Variants in CADM3 observed in about 807,000 individuals in gnomAD.
CADM3 encodes cell adhesion molecule 3, also known as TSLC1-like 1.
In CADM3, 11 loss-of-function variants were observed where a neutral mutation model predicts 44.9. The observed-to-expected ratio is 0.25, with a 90% CI of 0.15 to 0.41. The LOEUF is 0.41. CADM3 is among the 10% of genes least tolerant of loss of function. The pLI is 1.00. For synonymous variants in CADM3, 207 were observed against 205.2 expected, an observed-to-expected ratio of 1.01 and a Z score of -0.08; for missense variants, 426 against 512.0, an observed-to-expected ratio of 0.83 and a Z score of 1.62.
chr1:159,194,896 T>C (rs1649827320), intron 5 of CADM3: 1 of 152,176 alleles, frequency 6.6e-6, no homozygotes, highest in African/African-American at 2.4e-5. Context: ...GAACAGCCTC[T>C]CTGGGTGGAG....
intron 1 of CADM3, among the ~76,000 whole-genome samples, chr1:159,175,390 C>G (rs555273765): frequency 6.6e-6 from 1 of 152,320 alleles, no homozygotes; most frequent in East Asian, 1.9e-4. Context: ...GCCTACCCAG[C>G]AGTTATGCCA....
intron 5 of CADM3, 92 bp downstream of exon 5, chr1:159,194,132 G>T (rs1016084497): frequency 7.3e-5 from 97 of 1,333,828 alleles, no homozygotes; most frequent in Non-Finnish European, 9.7e-5. Context: ...GAAACAACAC[G>T]CACAGTTAAG....
rs1194150414 is a variant in CADM3 at position 159,203,299 on chromosome 1, T to C, written c.*2377T>C. The C allele has an allele frequency of 1.3e-5, 2 of 152,162 alleles. No individual in the cohort carries two copies. The highest frequency in any genetic ancestry group is 4.8e-5 in the African/African-American group (2 of 41,418). 9.4% of individuals were successfully genotyped at this position (152,162 alleles called of 1,614,324 possible). On this transcript the variant is annotated 3_prime_UTR_variant, in exon 9 of 9. Coordinates refer to ENST00000368125, the MANE Select transcript of CADM3 (RefSeq NM_001127173.3). ...AGAATATCTATGTACAGCAACAATA[T>C]AACTCTACAAGGGAGAGAAGTGTGT... is the stretch of plus-strand genomic sequence containing the variant.
At chr1:159,183,848 T>C (rs576737666) in intron 1 of CADM3, among the ~76,000 whole-genome samples, 3 of 152,252 alleles carry the variant, frequency 2.0e-5, no homozygotes, top group Middle Eastern at 3.4e-3. Flanking sequence ...AGAGAATATT[T>C]TGACATTCAG....
At chr1:159,188,977 T>C (rs1359466970) in intron 1 of CADM3, among the ~76,000 whole-genome samples, 1 of 152,104 alleles carries the variant, frequency 6.6e-6, no homozygotes, top group Non-Finnish European at 1.5e-5. Flanking sequence ...AGGGGTTTGT[T>C]GTCCCAGAGG....
intron 1 of CADM3, among the ~76,000 whole-genome samples, chr1:159,191,210 C>T (rs376275534): frequency 5.5e-4 from 84 of 152,310 alleles, no homozygotes; most frequent in Middle Eastern, 3.4e-3. Context: ...GTTTTCATCA[C>T]ATTGAAGAGA....
At chr1:159,193,365 G>A in intron 3 of CADM3, 58 bp from the exon 4 acceptor site, 7 of 1,526,190 alleles carry the variant, frequency 4.6e-6, no homozygotes, top group Non-Finnish European at 6.2e-6. Flanking sequence ...AGGGAGAGCA[G>A]AAGTGTGACC....
intron 1 of CADM3, among the ~76,000 whole-genome samples, chr1:159,177,433 T>G (rs902309412): frequency 3.3e-5 from 5 of 152,188 alleles, no homozygotes; most frequent in Non-Finnish European, 7.4e-5. Flanking sequence ...TGGAGCAAAC[T>G]ATTATACCTG....
chr1:159,190,944 C>T (rs930677588), intron 1 of CADM3, among the ~76,000 whole-genome samples: 2 of 152,084 alleles, frequency 1.3e-5, no homozygotes, highest in African/African-American at 4.8e-5. Flanking sequence ...TAGATTTGTT[C>T]GGTGGGGATC....
chr1:159,192,678 C>T lies in CADM3; in HGVS notation c.330C>T (p.Cys110=), dbSNP rs1433313388. The T allele has an allele frequency of 2.2e-5, 35 of 1,614,018 alleles. No homozygotes were observed. The highest frequency in any genetic ancestry group is 5.0e-5 in the Admixed American group (3 of 59,990). ...TGGCAGACGAGGGCGAGTACACCTG[C>T]TCAATCTTCACTATGCCTGTGCGAA... ...VALADEGEYT[C]SIFTMPVRTA... Residue 110 remains cysteine (C), a synonymous_variant, in exon 3 of 9, where the codon TGC becomes TGT. Transcript: ENST00000368125.
In CADM3 at chr1:159,194,086, G is replaced by A. The variant is rs770242685; in HGVS notation, c.691+46G>A. On this transcript the variant is annotated intron_variant, in intron 5 of 8. Coordinates refer to ENST00000368125, the MANE Select transcript of CADM3 (RefSeq NM_001127173.3). ...TGAAGAAGGATGAGGTATGAGATGA[G>A]GACCAGGGAGAAAGAGAATGCAGGT... is the stretch of plus-strand genomic sequence containing the variant. 38 of 1,564,234 alleles carry A rather than the reference G, an allele frequency of 2.4e-5. No homozygotes were observed. The Middle Eastern group carries it at 8.5e-4, about 35-fold the overall frequency.
At chr1:159,198,808 G>C (rs1650018224) in intron 7 of CADM3, among the ~76,000 whole-genome samples, 1 of 152,110 alleles carries the variant, frequency 6.6e-6, no homozygotes, top group Non-Finnish European at 1.5e-5. Flanking sequence ...CTGTGCTGTT[G>C]ATCCTCTATA....
chr1:159,192,457 G>C (rs1649704676), intron 2 of CADM3, 121 bp from the exon 3 acceptor site: 1 of 1,139,996 alleles, frequency 8.8e-7, no homozygotes, highest in Non-Finnish European at 1.3e-6. Context: ...CTCAGGAGCA[G>C]TTATTTTTTC....
At chr1:159,190,608 C>T (rs1357040647) in intron 1 of CADM3, among the ~76,000 whole-genome samples, 3 of 152,196 alleles carry the variant, frequency 2.0e-5, no homozygotes, top group African/African-American at 7.2e-5. Context: ...AACAGTCACC[C>T]TGAACAGTCG....
At chr1:159,179,612 A>C (rs1168728770) in intron 1 of CADM3, among the ~76,000 whole-genome samples, 1 of 152,230 alleles carries the variant, frequency 6.6e-6, no homozygotes, top group African/African-American at 2.4e-5. Context: ...TATTGGAAAT[A>C]TGCAGATTCT....
chr1:159,171,726 G>T lies in CADM3; in HGVS notation c.-40G>T. On this transcript the variant is annotated 5_prime_UTR_variant, in exon 1 of 9. Transcript: ENST00000368125. ...CCATCCCCAGCCCCCGGGGATTCAG[G>T]CTCGCCAGCGCCCAGCCAGGGAGCC... 3.3e-6 allele frequency: 4 copies of T among 1,222,604 alleles called. No individual in the cohort carries two copies. Among genetic ancestry groups the T allele is most frequent in the Non-Finnish European group, 4.1e-6 (4 of 979,398 alleles). The allele number at this position is 1,222,604 out of a possible 1,614,324, so 75.7% of individuals were successfully genotyped here.
chr1:159,191,558 G>A (rs1571018555), intron 1 of CADM3, among the ~76,000 whole-genome samples: 2 of 152,130 alleles, frequency 1.3e-5, no homozygotes, highest in African/African-American at 2.4e-5. Context: ...GCCAAACGTA[G>A]AACAACAGAT....
chr1:159,191,808 C>A (rs181694505), intron 1 of CADM3, 128 bp from the exon 2 acceptor site: 74 of 1,044,770 alleles, frequency 7.1e-5, no homozygotes, highest in Non-Finnish European at 5.8e-5. Context: ...TGAAACCTTA[C>A]GGGTACACAG....
At chr1:159,189,252 A>C (rs963340919) in intron 1 of CADM3, among the ~76,000 whole-genome samples, 1 of 152,214 alleles carries the variant, frequency 6.6e-6, no homozygotes, top group African/African-American at 2.4e-5. Context: ...GCAAAATAGG[A>C]ATGATAATGT....
Sources: gnomAD v4.1 joint callset for allele counts (sites outside exome capture counted in the v4.1 genomes callset) on GRCh38, gnomAD v4.1.1 for gene constraint, MANE v1.5 for transcripts, NCBI Gene and HGNC (gene_info 2026-07-23, HGNC 2026-07-21) for gene names.